ATP2C2: variants seen among roughly 807,000 people sequenced by gnomAD.
The protein encoded by ATP2C2 is ATPase secretory pathway Ca2+ transporting 2.
In ATP2C2, 171 loss-of-function variants were observed where a neutral mutation model predicts 110.8. The ratio of observed to expected loss-of-function variants is 1.54; its 90% CI spans 1.36 to 1.75. The LOEUF (loss-of-function observed/expected upper bound fraction) is 1.75, where lower values mean the gene tolerates loss of function less well. Ranked by LOEUF, ATP2C2 falls within the 40% of genes most tolerant of loss-of-function variation. ATP2C2 has a pLI of 0.00. For synonymous variants in ATP2C2, 804 were observed against 508.4 expected, an observed-to-expected ratio of 1.58 and a Z score of -7.82; for missense variants, 1,963 against 1,235.0, an observed-to-expected ratio of 1.59 and a Z score of -8.84.
chr16:84,402,825 A>G (rs1905421470), intron 2 of ATP2C2, among the ~76,000 whole-genome samples: 1 of 152,124 alleles, frequency 6.6e-6, no homozygotes, highest in South Asian at 2.1e-4. Context: ...AGTATTCCCT[A>G]CTCATCTGTT....
intron 1 of ATP2C2, among the ~76,000 whole-genome samples, chr16:84,394,280 C>G (rs1370165710): frequency 1.3e-5 from 2 of 152,092 alleles, no homozygotes; most frequent in African/African-American, 4.8e-5. Context: ...CTAGTACACT[C>G]ACAATGTCGT....
chr16:84,420,875 G>C (rs1368259927), intron 7 of ATP2C2, among the ~76,000 whole-genome samples: 1 of 152,174 alleles, frequency 6.6e-6, no homozygotes, highest in Non-Finnish European at 1.5e-5. Context: ...GGGCAATCTC[G>C]GCTCACTGCA....
chr16:84,455,530 C>T (rs1187516125), intron 21 of ATP2C2, among the ~76,000 whole-genome samples: 2 of 152,132 alleles, frequency 1.3e-5, no homozygotes, highest in Non-Finnish European at 2.9e-5. Context: ...TGTTCTGTTT[C>T]ACTTTTCTGT....
chr16:84,439,381 T>C (rs1273585191), intron 12 of ATP2C2, 46 bp from the exon 13 acceptor site: 9 of 1,601,244 alleles, frequency 5.6e-6, no homozygotes, highest in Non-Finnish European at 7.7e-6. Flanking sequence ...TTCACAAGCC[T>C]GAGGATGGCA....
intron 26 of ATP2C2, among the ~76,000 whole-genome samples, chr16:84,463,408 G>A (rs1324639307): frequency 6.6e-6 from 1 of 152,136 alleles, no homozygotes; most frequent in African/African-American, 2.4e-5. Context: ...GCTGCCTGGT[G>A]TTTGCCTGGA....
chr16:84,453,086 G>A (rs1229739787), intron 18 of ATP2C2, 52 bp from the exon 19 acceptor site: 2 of 1,543,066 alleles, frequency 1.3e-6, no homozygotes, highest in Admixed American at 1.9e-5. Context: ...CCGGGAGTGA[G>A]GGGTGGGGAC....
chr16:84,401,169 C>T (rs953186753), intron 2 of ATP2C2, among the ~76,000 whole-genome samples: 5 of 150,916 alleles, frequency 3.3e-5, no homozygotes, highest in Admixed American at 6.6e-5. Context: ...AGAGTTTCCC[C>T]GATGTTCTCT....
chr16:84,445,727 G>C (rs530573067), intron 15 of ATP2C2, among the ~76,000 whole-genome samples: 132 of 152,290 alleles, frequency 8.7e-4, no homozygotes, highest in Middle Eastern at 3.4e-3. Flanking sequence ...AATTTAATAT[G>C]GTAGATACAC....
intron 11 of ATP2C2, among the ~76,000 whole-genome samples, chr16:84,434,504 C>G (rs193023328): frequency 6.5e-4 from 99 of 152,000 alleles, no homozygotes; most frequent in African/African-American, 2.3e-3. Flanking sequence ...CTGGTCCATT[C>G]TAATCAATTT....
chr16:84,447,954 G>A (rs535830494), intron 16 of ATP2C2, among the ~76,000 whole-genome samples: 2 of 151,782 alleles, frequency 1.3e-5, no homozygotes, highest in African/African-American at 4.8e-5. Flanking sequence ...ACCCACGTGA[G>A]CCAGGTATGT....
chr16:84,398,150 C>T (rs893981459), intron 1 of ATP2C2, among the ~76,000 whole-genome samples: 1 of 150,488 alleles, frequency 6.6e-6, no homozygotes, highest in East Asian at 1.9e-4. Flanking sequence ...ACCTTTAATC[C>T]CAGCACTTTG....
intron 17 of ATP2C2, among the ~76,000 whole-genome samples, chr16:84,451,546 G>C (rs1910265414): frequency 6.6e-6 from 1 of 152,158 alleles, no homozygotes; most frequent in African/African-American, 2.4e-5. Context: ...GTGGGGGCTG[G>C]CTAACAAAGG....
At chr16:84,368,927 T>A (rs1046083513) in intron 1 of ATP2C2, among the ~76,000 whole-genome samples, 4 of 152,338 alleles carry the variant, frequency 2.6e-5, no homozygotes, top group African/African-American at 9.6e-5. Flanking sequence ...TGAACCCATT[T>A]TGTGGTTGAG....
rs979693440 is a variant in ATP2C2 at position 84,459,522 on chromosome 16, G to T, written c.2333+136G>T. The T allele has an allele frequency of 3.9e-6, 6 of 1,555,838 alleles. No individual in the cohort carries two copies. In the African/African-American group the frequency reaches 4.1e-5, roughly 11 times the overall value. ...TTCCATCAGGAGTTCCCAGAAAACT[G>T]AAGTGTGTTGCACTGCAGTGAGACT... On this transcript the variant is annotated intron_variant, in intron 23 of 26. Coordinates refer to ENST00000262429, the MANE Select transcript of ATP2C2 (RefSeq NM_014861.4).
At position 84,405,254 on chromosome 16, in the gene ATP2C2, G is replaced by A. The variant is rs1905660198; in HGVS notation, c.327+10G>A. 2 of 1,604,838 alleles carry A rather than the reference G, an allele frequency of 1.2e-6. No individual in the cohort carries two copies. The highest frequency in any genetic ancestry group is 2.7e-5 in the African/African-American group (2 of 74,628). ...GAAATACCTGGATCAGGTAGGACCA[G>A]AGGTGTCATTCTTTGCATTAACATG... On this transcript the variant is annotated intron_variant, in intron 3 of 26. Coordinates refer to ENST00000262429, the MANE Select transcript of ATP2C2 (RefSeq NM_014861.4).
At chr16:84,391,109 G>C (rs1282507945) in intron 1 of ATP2C2, among the ~76,000 whole-genome samples, 10 of 56,526 alleles carry the variant, frequency 1.8e-4, no homozygotes, top group Non-Finnish European at 2.3e-4. Context: ...GTGAGACTCA[G>C]ACTCAAAAAA....
chr16:84,437,259 C>G (rs1416616395), intron 11 of ATP2C2, among the ~76,000 whole-genome samples: 1 of 151,892 alleles, frequency 6.6e-6, no homozygotes, highest in East Asian at 1.9e-4. Flanking sequence ...ATGATCATGG[C>G]CCACTGCAGC....
intron 11 of ATP2C2, among the ~76,000 whole-genome samples, chr16:84,432,740 C>G (rs1028698195): frequency 3.9e-5 from 6 of 152,060 alleles, no homozygotes; most frequent in African/African-American, 1.4e-4. Flanking sequence ...AGGCTCATCT[C>G]GAACTCCTGA....
chr16:84,408,643 C>G (rs1905999719), intron 4 of ATP2C2, 149 bp downstream of exon 4: 2 of 635,124 alleles, frequency 3.1e-6, no homozygotes, highest in South Asian at 3.9e-5. Flanking sequence ...AAATCCACAT[C>G]CTTCTTTACC....
Sources: allele counts gnomAD v4.1 joint callset (sites outside exome capture counted in the v4.1 genomes callset), GRCh38; gene constraint gnomAD v4.1.1; transcripts MANE v1.5; gene names NCBI Gene and HGNC (gene_info 2026-07-23, HGNC 2026-07-21).